Variants in ZBTB8A observed in about 807,000 individuals in gnomAD.
ZBTB8A encodes the protein zinc finger and BTB domain containing 8A.
Under a neutral mutation model 37.8 loss-of-function variants are expected in ZBTB8A, and 19 were observed. The ratio of observed to expected loss-of-function variants is 0.50; its 90% confidence interval spans 0.35 to 0.74. The LOEUF is 0.74. Among genes scored for constraint, ZBTB8A ranks in the 30% least tolerant of loss-of-function variants. ZBTB8A has a pLI of 0.01. For synonymous variants in ZBTB8A, 181 were observed against 185.2 expected (o/e 0.98, Z 0.19); for missense variants, 394 against 537.8 (o/e 0.73, Z 2.65).
intron 2 of ZBTB8A, among the ~76,000 whole-genome samples, chr1:32,556,940 CTT>C (rs1380964725): frequency 1.3e-5 from 2 of 152,004 alleles, no homozygotes; most frequent in Non-Finnish European, 2.9e-5. Flanking sequence ...GGGAACTTAA[CTT>C]TCTTAATTTT....
At chr1:32,579,713 C>A (rs1410493501) in intron 2 of ZBTB8A, among the ~76,000 whole-genome samples, 1 of 152,124 alleles carries the variant, frequency 6.6e-6, no homozygotes, top group Non-Finnish European at 1.5e-5. Context: ...ACATACCTCA[C>A]TTGGTTCCAT....
chr1:32,571,060 G>A (rs1314252608), intron 2 of ZBTB8A, among the ~76,000 whole-genome samples: 1 of 152,070 alleles, frequency 6.6e-6, no homozygotes, highest in Non-Finnish European at 1.5e-5. Context: ...AATTTTAGCA[G>A]AGATGGGGCT....
At chr1:32,576,971 C>T (rs1644365477) in intron 2 of ZBTB8A, among the ~76,000 whole-genome samples, 1 of 151,068 alleles carries the variant, frequency 6.6e-6, no homozygotes, top group African/African-American at 2.4e-5. Flanking sequence ...CTTCCAGGTC[C>T]AAGTGATTCT....
chr1:32,582,328 T>C (rs1008178910), intron 2 of ZBTB8A, among the ~76,000 whole-genome samples: 3 of 152,132 alleles, frequency 2.0e-5, no homozygotes, highest in Non-Finnish European at 4.4e-5. Flanking sequence ...TCAAAATGCT[T>C]CTGGTCCCAA....
At position 32,605,253 on chromosome 1, in the gene ZBTB8A, T is replaced by G. The variant is rs1644608661; in HGVS notation, c.*4834T>G. The stretch of plus-strand genomic sequence containing the variant: ...ACTTTAGATTATAAACCAGAAAGTT[T>G]TGTTATTTTATATAAGTGTATCAGT... On this transcript the variant is annotated 3_prime_UTR_variant, in exon 5 of 5. Coordinates refer to ENST00000373510, the MANE Select transcript of ZBTB8A (RefSeq NM_001040441.3). 6.6e-6 allele frequency: 1 copy of G among 152,104 alleles called. No homozygotes were observed. The highest frequency in any genetic ancestry group is 6.6e-5 in the Admixed American group (1 of 15,258). The allele number at this position is 152,104 out of a possible 1,614,324, so 9.4% of individuals were successfully genotyped here. A position where few individuals can be genotyped will look rare whatever the true frequency, so the allele number is the denominator to read the frequency against.
intron 2 of ZBTB8A, among the ~76,000 whole-genome samples, chr1:32,581,630 G>T (rs1390575649): frequency 6.6e-6 from 1 of 151,960 alleles, no homozygotes; most frequent in Non-Finnish European, 1.5e-5. Context: ...AGGATTACAG[G>T]CGTGAGCCAC....
chr1:32,542,654 A>C (rs1025001264), intron 1 of ZBTB8A, among the ~76,000 whole-genome samples: 1 of 152,232 alleles, frequency 6.6e-6, no homozygotes, highest in Non-Finnish European at 1.5e-5. Context: ...TACTCATAGA[A>C]ATACATGTCA....
intron 2 of ZBTB8A, among the ~76,000 whole-genome samples, chr1:32,586,626 G>A (rs1644451923): frequency 6.6e-6 from 1 of 151,966 alleles, no homozygotes; most frequent in Admixed American, 6.6e-5. Flanking sequence ...TTATCTGGGG[G>A]AAGAATGTTC....
At chr1:32,590,647 G>T (rs1424373568) in intron 2 of ZBTB8A, among the ~76,000 whole-genome samples, 2 of 152,060 alleles carry the variant, frequency 1.3e-5, no homozygotes, top group African/African-American at 4.8e-5. Flanking sequence ...AGCGTCTCTA[G>T]GAATTCGTGG....
intron 2 of ZBTB8A, among the ~76,000 whole-genome samples, 189 bp from the exon 3 acceptor site, chr1:32,592,742 G>C (rs1416110863): frequency 6.6e-6 from 1 of 151,932 alleles, no homozygotes; most frequent in Non-Finnish European, 1.5e-5. Flanking sequence ...CCTGACCTCA[G>C]GTGATCTCCC....
intron 1 of ZBTB8A, among the ~76,000 whole-genome samples, chr1:32,549,727 G>T (rs12133942): frequency 0.11 from 17,352 of 152,112 alleles, 1,084 homozygotes; most frequent in African/African-American, 0.18. Context: ...GACAGAGTGA[G>T]ACCCTGCCTC....
At position 32,603,814 on chromosome 1, in the gene ZBTB8A, A is replaced by G. The variant is rs1644595988; in HGVS notation, c.*3395A>G. ...TCAAACTATCCCCACAAAATGATCA[A>G]GTTCACCAAACTAGACAAAGAATCT... is the stretch of plus-strand genomic sequence containing the variant. On this transcript the variant is annotated 3_prime_UTR_variant, in exon 5 of 5. Coordinates refer to ENST00000373510, the MANE Select transcript of ZBTB8A (RefSeq NM_001040441.3). 1 of 152,666 alleles carries G rather than the reference A, an allele frequency of 6.6e-6. No individual in the cohort carries two copies. Among genetic ancestry groups the G allele is most frequent in the African/African-American group, 2.4e-5 (1 of 41,474 alleles). 9.5% of individuals were successfully genotyped at this position (152,666 alleles called of 1,614,324 possible).
chr1:32,552,644 C>G lies in ZBTB8A; in HGVS notation c.-83-815C>G, dbSNP rs374116831. On this transcript the variant is annotated intron_variant, in intron 1 of 4. Transcript: ENST00000373510. ...TCACGCCATTTCACTCCAGCCTGGG[C>G]GACAGAGTGAGACTCCATCTCAAAA... is the stretch of plus-strand genomic sequence containing the variant. Among the ~76,000 whole-genome samples, 86 of 151,766 alleles carry G rather than the reference C, an allele frequency of 5.7e-4. 2 individuals carry two copies. Among genetic ancestry groups the G allele is most frequent in the Middle Eastern group, 3.4e-3 (1 of 292 alleles).
rs1424358484 is a variant in ZBTB8A, at chr1:32,554,465, TTTATTTATTTATTTATTTA to T, written c.-2+928_-2+946del. Among the ~76,000 whole-genome samples the T allele has an allele frequency of 6.5e-4, 7 of 10,832 alleles. No individual in the cohort carries two copies. The East Asian group carries it at 9.0e-3, about 14-fold the overall frequency. 7.1% of individuals were successfully genotyped at this position (10,832 alleles called of 152,430 possible). On this transcript the variant is annotated intron_variant, in intron 2 of 4. Transcript: ENST00000373510. The stretch of plus-strand genomic sequence containing the variant: ...ATTTGAACTACATTTTAATCTTTTA[TTTATTTATTTATTTATTTA>T]TTTATTTATTTATTTATTTATTTAT...
Position 32,568,140 on chromosome 1 carries a change from C to T in ZBTB8A, c.-2+14600C>T, listed in dbSNP as rs190456844. Among the ~76,000 whole-genome samples the T allele has an allele frequency of 1.6e-3, 243 of 152,154 alleles. 1 individual carries two copies. The highest frequency in any genetic ancestry group is 4.9e-3 in the African/African-American group (205 of 41,516). ...CTCCAGCCTGGGCGACAGAGCAAGACTCTGTCTAGAGAAAAAATTAAGATA... is the reference window on the plus strand; with the variant it reads ...CTCCAGCCTGGGCGACAGAGCAAGATTCTGTCTAGAGAAAAAATTAAGATA... On this transcript the variant is annotated intron_variant, in intron 2 of 4. Coordinates refer to ENST00000373510, the MANE Select transcript of ZBTB8A (RefSeq NM_001040441.3).
At chr1:32,579,016 T>G (rs564283778) in intron 2 of ZBTB8A, among the ~76,000 whole-genome samples, 8 of 152,176 alleles carry the variant, frequency 5.3e-5, no homozygotes, top group Non-Finnish European at 1.0e-4. Context: ...GGCTTGTTTT[T>G]AAGCTTTGGG....
intron 1 of ZBTB8A, among the ~76,000 whole-genome samples, chr1:32,542,297 A>G (rs1190968994): frequency 1.4e-5 from 2 of 147,830 alleles, no homozygotes; most frequent in Admixed American, 1.4e-4. Context: ...GCTCACACCT[A>G]TAATTCCAAC....
At chr1:32,584,200 G>C (rs1644428618) in intron 2 of ZBTB8A, among the ~76,000 whole-genome samples, 1 of 152,078 alleles carries the variant, frequency 6.6e-6, no homozygotes, top group African/African-American at 2.4e-5. Flanking sequence ...ATGAAATAAA[G>C]AAGGATTCCT....
At chr1:32,551,421 C>A (rs564613640) in intron 1 of ZBTB8A, among the ~76,000 whole-genome samples, 10 of 148,710 alleles carry the variant, frequency 6.7e-5, no homozygotes, top group African/African-American at 1.2e-4. Context: ...GACTCTCTCT[C>A]AAAAAAAAAA....
Sources: gnomAD v4.1 joint callset for allele counts (sites outside exome capture counted in the v4.1 genomes callset) on GRCh38, gnomAD v4.1.1 for gene constraint, MANE v1.5 for transcripts, NCBI Gene and HGNC (gene_info 2026-07-23, HGNC 2026-07-21) for gene names.